Variants in TMEM18 observed in about 807,000 individuals in gnomAD.
TMEM18 encodes the protein transmembrane protein 18.
TMEM18 carries 14 observed loss-of-function variants against 17.4 expected under a neutral mutation model. The ratio of observed to expected loss-of-function variants is 0.80; its 90% confidence interval spans 0.53 to 1.25. TMEM18 has a LOEUF of 1.25. Among genes scored for constraint, TMEM18 ranks in the 50% most tolerant of loss-of-function variants. TMEM18 has a pLI of 0.00. For missense variants in TMEM18, 187 were observed against 172.1 expected, an observed-to-expected ratio of 1.09 and a Z score of -0.48; for synonymous variants, 86 against 66.1, an observed-to-expected ratio of 1.30 and a Z score of -1.46.
intron 3 of TMEM18, among the ~76,000 whole-genome samples, chr2:672,191 G>C (rs933460212): frequency 1.3e-5 from 2 of 152,168 alleles, no homozygotes; most frequent in Admixed American, 1.3e-4. Flanking sequence ...ATTTTAAAAC[G>C]TAAAAGCCAT....
chr2:673,037 A>T (rs1678896529), intron 2 of TMEM18, among the ~76,000 whole-genome samples, 175 bp from the exon 3 acceptor site: 1 of 152,274 alleles, frequency 6.6e-6, no homozygotes, highest in Admixed American at 6.5e-5. Flanking sequence ...TAGCAGAAAG[A>T]AAATCAAGGC....
At position 669,811 on chromosome 2, in the gene TMEM18, C is replaced by T. The variant is rs748631143; in HGVS notation, c.273G>A (p.Met91Ile). Residue 91 changes from methionine (M) to isoleucine (I), a missense_variant, in exon 4 of 5, where the codon ATG becomes ATA. Physicochemically the swap from Met to Ile is conservative, Grantham distance 10 (BLOSUM62 1). Coordinates refer to ENST00000281017, the MANE Select transcript of TMEM18 (RefSeq NM_152834.4). ...GGGCTGAAAATACTATAGAAATGAA[C>T]ATCCCCCTGGAGTCGAAATACTGGT... ...SKYQYFDSRG[M>I]FISIVFSAPL... The T allele has an allele frequency of 1.2e-6, 2 of 1,613,916 alleles. No individual in the cohort carries two copies. The highest frequency in any genetic ancestry group is 1.1e-5 in the South Asian group (1 of 91,074).
At chr2:675,451 A>G (rs1678971830) in intron 2 of TMEM18, 59 bp downstream of exon 2, 2 of 1,611,838 alleles carry the variant, frequency 1.2e-6, no homozygotes, top group Admixed American at 1.7e-5. Context: ...CAGACAGAAC[A>G]TACACAGTTT....
chr2:675,471 C>G lies in TMEM18; in HGVS notation c.178+39G>C, dbSNP rs771788421. On this transcript the variant is annotated intron_variant, in intron 2 of 4. Coordinates refer to ENST00000281017, the MANE Select transcript of TMEM18 (RefSeq NM_152834.4). ...AGAACATACACAGTTTCATTTCACACAGTGATCTGAGTTGTGGAGTTTGTG... is the reference window on the plus strand; with the variant it reads ...AGAACATACACAGTTTCATTTCACAGAGTGATCTGAGTTGTGGAGTTTGTG... The G allele has an allele frequency of 2.9e-5, 46 of 1,613,404 alleles. 2 individuals are homozygous for G. In the South Asian group the frequency reaches 5.1e-4, roughly 18 times the overall value.
At chr2:670,489 A>G (rs1678812305) in intron 3 of TMEM18, 1 of 152,900 alleles carries the variant, frequency 6.5e-6, no homozygotes, top group Non-Finnish European at 1.5e-5. Context: ...AATGCCATCA[A>G]CAAAGCTAGT....
At chr2:673,068 A>G (rs573483641) in intron 2 of TMEM18, among the ~76,000 whole-genome samples, 1 of 152,324 alleles carries the variant, frequency 6.6e-6, no homozygotes, top group South Asian at 2.1e-4. Flanking sequence ...TCAGTTCTCC[A>G]ATGCTCTATG....
chr2:668,681 G>A lies in TMEM18; in HGVS notation c.*899C>T, dbSNP rs1186029218. 6.6e-6 allele frequency: 1 copy of A among 152,220 alleles called. No individual in the cohort carries two copies. Among genetic ancestry groups the A allele is most frequent in the African/African-American group, 2.4e-5 (1 of 41,448 alleles). 9.4% of individuals were successfully genotyped at this position (152,220 alleles called of 1,614,324 possible). On this transcript the variant is annotated 3_prime_UTR_variant, in exon 5 of 5. Transcript: ENST00000281017. ...TTAAACTACAGGTCCACATTTGACA[G>A]GAACCAAGAGCCACTGGGCAGGAGC...
At position 663,880 on chromosome 2, in the gene TMEM18, A is replaced by G. The variant is rs905234139; in HGVS notation, c.*5700T>C. Among the ~76,000 whole-genome samples the G allele has an allele frequency of 3.9e-5, 6 of 152,264 alleles. No individual in the cohort carries two copies. Among genetic ancestry groups the G allele is most frequent in the South Asian group, 2.1e-4 (1 of 4,836 alleles). ...ATCAGTAACTTACAGAGAAGAATTTAAAGAGCAAAAAAGCCAACATGAGTA... is the reference window on the plus strand; with the variant it reads ...ATCAGTAACTTACAGAGAAGAATTTGAAGAGCAAAAAAGCCAACATGAGTA... On this transcript the variant is annotated 3_prime_UTR_variant, in exon 5 of 5. Transcript: ENST00000281017.
intron 1 of TMEM18, chr2:676,478 T>TGTAA (rs3215297): frequency 0.82 from 1,026,657 of 1,248,842 alleles, 447,240 homozygotes; most frequent in East Asian, 0.85. Flanking sequence ...CCAGAACTCC[T>TGTAA]GTGTCACTAC....
In TMEM18 at chr2:676,321, C is replaced by T. The variant is rs528317542; in HGVS notation, c.58-691G>A. 333 of 1,480,440 alleles carry T rather than the reference C, an allele frequency of 2.2e-4. 1 individual carries two copies. In the Middle Eastern group the frequency reaches 2.7e-3, roughly 12 times the overall value. The allele number at this position is 1,480,440 out of a possible 1,614,324, so 91.7% of individuals were successfully genotyped here. ...TCAGTCCCCACCTGATGCTCAGATG[C>T]CAATCCCAGCAGTCCTCAACCCTCC... On this transcript the variant is annotated intron_variant, in intron 1 of 4. Transcript: ENST00000281017.
At chr2:676,599 G>A (rs1349708642) in intron 1 of TMEM18, 5 of 1,550,394 alleles carry the variant, frequency 3.2e-6, no homozygotes, top group African/African-American at 2.7e-5. Flanking sequence ...ACGGAGGTGA[G>A]GGGAGCACGG....
rs1338737167 is a variant in TMEM18, at chr2:666,162, T to A, written c.*3418A>T. 1.3e-5 allele frequency among the ~76,000 whole-genome samples: 2 copies of A among 152,222 alleles called. No homozygotes were observed. The highest frequency in any genetic ancestry group is 4.1e-4 in the South Asian group (2 of 4,830). On this transcript the variant is annotated 3_prime_UTR_variant, in exon 5 of 5. Coordinates refer to ENST00000281017, the MANE Select transcript of TMEM18 (RefSeq NM_152834.4). ...GAGGCTGACATCCAGCTCGCTCAGATGGAGCAGGAGCTGCTGAAGGGTGTT... is the reference window on the plus strand; with the variant it reads ...GAGGCTGACATCCAGCTCGCTCAGAAGGAGCAGGAGCTGCTGAAGGGTGTT...
At position 665,491 on chromosome 2, in the gene TMEM18, C is replaced by T. The variant is rs1678661202; in HGVS notation, c.*4089G>A. ...AGAATCAACTCCACATACAACAGGACCCAGAGATGCAAACACCCCACTCAC... is the reference window on the plus strand; with the variant it reads ...AGAATCAACTCCACATACAACAGGATCCAGAGATGCAAACACCCCACTCAC... On this transcript the variant is annotated 3_prime_UTR_variant, in exon 5 of 5. Coordinates refer to ENST00000281017, the MANE Select transcript of TMEM18 (RefSeq NM_152834.4). Among the ~76,000 whole-genome samples, 1 of 149,200 alleles carries T rather than the reference C, an allele frequency of 6.7e-6. No individual in the cohort carries two copies.
In TMEM18 at chr2:675,446, AG is replaced by A. The variant is rs1678971680; in HGVS notation, c.178+63del. On this transcript the variant is annotated intron_variant, in intron 2 of 4. Transcript: ENST00000281017. Reference sequence around the variant, plus strand: ...ATGTATATATTTCGAAGACACAGACAGAACATACACAGTTTCATTTCACACA... The same window carrying A: ...ATGTATATATTTCGAAGACACAGACAAACATACACAGTTTCATTTCACACA... The A allele has an allele frequency of 3.1e-5, 50 of 1,606,058 alleles. 1 individual carries two copies. In the South Asian group the frequency reaches 3.3e-4, roughly 11 times the overall value.
chr2:677,350 T>A lies in TMEM18; in HGVS notation c.-5A>T, dbSNP rs374373872. On this transcript the variant is annotated 5_prime_UTR_variant, in exon 1 of 5. Coordinates refer to ENST00000281017, the MANE Select transcript of TMEM18 (RefSeq NM_152834.4). ...GACAGAGAAGGCGGACGGCATGGTG[T>A]TGGGAAGCCCGCTCTCACAGCAACC... 1.2e-6 allele frequency: 2 copies of A among 1,611,612 alleles called. No individual in the cohort carries two copies. Among genetic ancestry groups the A allele is most frequent in the South Asian group, 2.2e-5 (2 of 90,518 alleles).
At position 667,918 on chromosome 2, in the gene TMEM18, G is replaced by C. The variant is rs758054062; in HGVS notation, c.*1662C>G. 3.9e-5 allele frequency: 6 copies of C among 152,230 alleles called. No homozygotes were observed. The highest frequency in any genetic ancestry group is 8.8e-5 in the Non-Finnish European group (6 of 68,044). 9.4% of individuals were successfully genotyped at this position (152,230 alleles called of 1,614,324 possible). ...CCATATTAAGTCCAAATAACATATA[G>C]ATGTTTAATTAGTCTGTTCTCACAC... is the stretch of plus-strand genomic sequence containing the variant. On this transcript the variant is annotated 3_prime_UTR_variant, in exon 5 of 5. Coordinates refer to ENST00000281017, the MANE Select transcript of TMEM18 (RefSeq NM_152834.4).
chr2:667,720 TA>T lies in TMEM18; in HGVS notation c.*1859del, dbSNP rs1200902500. The T allele has an allele frequency of 1.3e-5, 2 of 152,236 alleles. No individual in the cohort carries two copies. The highest frequency in any genetic ancestry group is 4.8e-5 in the African/African-American group (2 of 41,448). The allele number at this position is 152,236 out of a possible 1,614,324, so 9.4% of individuals were successfully genotyped here. Reference sequence around the variant, plus strand: ...TTAAAAATAAAGTGAAGGTTGTTTTTACAAAACCAAAATATAACTGTTCCAA... The same window carrying T: ...TTAAAAATAAAGTGAAGGTTGTTTTTCAAAACCAAAATATAACTGTTCCAA... On this transcript the variant is annotated 3_prime_UTR_variant, in exon 5 of 5. Transcript: ENST00000281017.
chr2:664,423 C>T lies in TMEM18; in HGVS notation c.*5157G>A, dbSNP rs1184030099. Among the ~76,000 whole-genome samples, 4 of 152,136 alleles carry T rather than the reference C, an allele frequency of 2.6e-5. No homozygotes were observed. Among genetic ancestry groups the T allele is most frequent in the African/African-American group, 9.7e-5 (4 of 41,424 alleles). On this transcript the variant is annotated 3_prime_UTR_variant, in exon 5 of 5. Coordinates refer to ENST00000281017, the MANE Select transcript of TMEM18 (RefSeq NM_152834.4). The stretch of plus-strand genomic sequence containing the variant: ...CCTATATGTGTTACCAATTTTAACA[C>T]ATAAAATTAGAAATAGGTTTTTTAA...
At chr2:670,099 C>A (rs146322269) in intron 3 of TMEM18, 145 of 453,684 alleles carry the variant, frequency 3.2e-4, no homozygotes, top group Admixed American at 1.6e-4. Context: ...ACAGGAAAGA[C>A]CCCGAGGCCT....
Sources: allele counts gnomAD v4.1 joint callset (sites outside exome capture counted in the v4.1 genomes callset), GRCh38; gene constraint gnomAD v4.1.1; transcripts MANE v1.5; gene names NCBI Gene and HGNC (gene_info 2026-07-23, HGNC 2026-07-21).